Variants in VPS13B observed in about 807,000 individuals in gnomAD.
VPS13B encodes intermembrane lipid transfer protein VPS13B.
VPS13B carries 285 observed loss-of-function variants against 426.4 expected under a neutral mutation model. The ratio of observed to expected loss-of-function variants is 0.67; its 90% CI spans 0.61 to 0.74. The LOEUF is 0.74. Among genes scored for constraint, VPS13B ranks in the 30% least tolerant of loss-of-function variants. The pLI, the probability that VPS13B is intolerant of heterozygous loss-of-function variation, is 0.00. For synonymous variants in VPS13B, 1,676 were observed against 1,676.4 expected, an observed-to-expected ratio of 1.00 and a Z score of 0.01; for missense variants, 4,537 against 4,782.6, an observed-to-expected ratio of 0.95 and a Z score of 1.51.
In VPS13B at chr8:99,819,540, C is replaced by T. The variant is rs139732310; in HGVS notation, c.8750C>T (p.Ser2917Leu). 9.7e-5 allele frequency: 157 copies of T among 1,613,626 alleles called. No homozygotes were observed. The highest frequency in any genetic ancestry group is 3.3e-4 in the East Asian group (15 of 44,840). ...ILDEFYGPEK[S>L]LQPIWPYNKK... ...GACGAATTCTATGGGCCAGAAAAGT[C>T]GCTTCAACCCATATGGCCCTATAAT... The change falls in exon 48 of 62, where the codon TCG becomes TTG. Residue 2917 changes from serine to leucine, a missense_variant. Physicochemically the swap from Ser to Leu is moderately radical, Grantham distance 145. Transcript: ENST00000357162.
chr8:99,135,954 C>G (rs559789662), intron 11 of VPS13B, among the ~76,000 whole-genome samples: 19 of 151,822 alleles, frequency 1.3e-4, no homozygotes, highest in Admixed American at 2.0e-4. Context: ...TTATTTATGC[C>G]CTGCTTCAAA....
intron 17 of VPS13B, among the ~76,000 whole-genome samples, chr8:99,254,966 T>C (rs1249878942): frequency 1.3e-5 from 2 of 152,188 alleles, no homozygotes; most frequent in Non-Finnish European, 2.9e-5. Context: ...CTTTTTATTT[T>C]TCTTGTACTG....
chr8:99,809,245 TGCA>T, intron 43 of VPS13B, 127 bp from the exon 44 acceptor site: 1 of 1,145,276 alleles, frequency 8.7e-7, no homozygotes, highest in Non-Finnish European at 1.3e-6. Context: ...GGATGAATAA[TGCA>T]GGTTAGAAAG....
intron 3 of VPS13B, among the ~76,000 whole-genome samples, chr8:99,067,883 G>A (rs540267484): frequency 3.0e-4 from 45 of 152,118 alleles, no homozygotes; most frequent in African/African-American, 9.4e-4. Context: ...CTCGGAGTTC[G>A]TTGTTTTGGA....
chr8:99,771,437 T>G (rs1305145207), intron 40 of VPS13B, among the ~76,000 whole-genome samples: 7 of 152,324 alleles, frequency 4.6e-5, no homozygotes, highest in Non-Finnish European at 5.9e-5. Context: ...TTGTATAAAG[T>G]GCTTTTTAAT....
intron 7 of VPS13B, among the ~76,000 whole-genome samples, chr8:99,119,859 T>C (rs1169559196): frequency 1.3e-5 from 2 of 152,056 alleles, no homozygotes; most frequent in African/African-American, 4.8e-5. Flanking sequence ...TGGAGACTAA[T>C]TTTTCCATGG....
chr8:99,172,832 C>G (rs1272256675), intron 16 of VPS13B, among the ~76,000 whole-genome samples: 4 of 152,056 alleles, frequency 2.6e-5, no homozygotes, highest in African/African-American at 9.7e-5. Flanking sequence ...TTATGACGTA[C>G]TTTTGGTTTA....
chr8:99,324,439 T>C (rs1810135699), intron 19 of VPS13B, among the ~76,000 whole-genome samples: 1 of 152,210 alleles, frequency 6.6e-6, no homozygotes. Context: ...ACTGTGTTCC[T>C]CTTCCCATTT....
chr8:99,093,625 C>T (rs1053327830), intron 3 of VPS13B, among the ~76,000 whole-genome samples: 7 of 150,606 alleles, frequency 4.6e-5, no homozygotes, highest in South Asian at 2.1e-4. Context: ...TGAGAATATG[C>T]GGTGTTTGGT....
intron 39 of VPS13B, among the ~76,000 whole-genome samples, chr8:99,751,123 A>G (rs1469424113): frequency 2.0e-5 from 3 of 152,194 alleles, no homozygotes; most frequent in Non-Finnish European, 4.4e-5. Flanking sequence ...TTTCAAAACT[A>G]CACTGTATAG....
intron 52 of VPS13B, among the ~76,000 whole-genome samples, chr8:99,833,837 C>A (rs937620433): frequency 6.6e-6 from 1 of 152,178 alleles, no homozygotes; most frequent in Non-Finnish European, 1.5e-5. Flanking sequence ...TGAGTCCTGG[C>A]CCTAGCCTTC....
chr8:99,446,234 G>A (rs1817913043), intron 23 of VPS13B, among the ~76,000 whole-genome samples: 1 of 151,748 alleles, frequency 6.6e-6, no homozygotes, highest in South Asian at 2.1e-4. Flanking sequence ...TTGTTTCTTT[G>A]CCTTTTTTTT....
At position 99,212,296 on chromosome 8, in the gene VPS13B, G is replaced by A. The variant is rs367674239; in HGVS notation, c.2515+19239G>A. Among the ~76,000 whole-genome samples, 77 of 152,168 alleles carry A rather than the reference G, an allele frequency of 5.1e-4. 1 individual carries two copies. Among genetic ancestry groups the A allele is most frequent in the Non-Finnish European group, 2.1e-4 (14 of 68,042 alleles). On this transcript the variant is annotated intron_variant, in intron 17 of 61. Transcript: ENST00000357162. ...CCCTTCACCTCTCTCCTTCTATACT[G>A]ATTGGTTGAGAAACCTAATTGAGGC... is the stretch of plus-strand genomic sequence containing the variant.
intron 39 of VPS13B, among the ~76,000 whole-genome samples, chr8:99,747,748 C>T (rs925222591): frequency 6.6e-6 from 1 of 151,980 alleles, no homozygotes; most frequent in Admixed American, 6.6e-5. Flanking sequence ...TAATTGCATA[C>T]TAAACTTGGG....
chr8:99,218,389 A>G (rs1187175880), intron 17 of VPS13B, among the ~76,000 whole-genome samples: 2 of 152,154 alleles, frequency 1.3e-5, no homozygotes, highest in African/African-American at 4.8e-5. Flanking sequence ...CCAAAAGGAG[A>G]TGATTCCTTT....
chr8:99,636,400 G>A (rs903637683), intron 33 of VPS13B, among the ~76,000 whole-genome samples: 2 of 151,866 alleles, frequency 1.3e-5, no homozygotes, highest in Non-Finnish European at 2.9e-5. Flanking sequence ...AGCCATTGTG[G>A]AACTAAATTC....
At chr8:99,364,146 C>CT (rs1157471585) in intron 19 of VPS13B, among the ~76,000 whole-genome samples, 1 of 152,092 alleles carries the variant, frequency 6.6e-6, no homozygotes, top group Non-Finnish European at 1.5e-5. Context: ...CTTCTGTACT[C>CT]TGTCTTTTGA....
intron 29 of VPS13B, among the ~76,000 whole-genome samples, chr8:99,519,963 A>G (rs1822286636): frequency 6.6e-6 from 1 of 152,172 alleles, no homozygotes; most frequent in South Asian, 2.1e-4. Context: ...AAAAATGTAA[A>G]TGTAATGAAT....
chr8:99,730,696 C>G (rs112716600), intron 39 of VPS13B, among the ~76,000 whole-genome samples: 3 of 149,250 alleles, frequency 2.0e-5, no homozygotes, highest in African/African-American at 7.4e-5. Context: ...GGTACAGGTA[C>G]CTCCTGAAAG....
Sources: gnomAD v4.1 joint callset for allele counts (sites outside exome capture counted in the v4.1 genomes callset) on GRCh38, gnomAD v4.1.1 for gene constraint, MANE v1.5 for transcripts, NCBI Gene and HGNC (gene_info 2026-07-23, HGNC 2026-07-21) for gene names.